Variants in SORCS1 observed in about 807,000 individuals in gnomAD.
SORCS1 encodes the protein VPS10 domain-containing receptor SorCS1.
SORCS1 carries 60 observed loss-of-function variants against 146.1 expected under a neutral mutation model. That is an observed-to-expected ratio of 0.41 (90% CI 0.33 to 0.51). The LOEUF is 0.51. Among genes scored for constraint, SORCS1 ranks in the 20% least tolerant of loss-of-function variants. The pLI is 0.21. For synonymous variants in SORCS1, 637 were observed against 584.0 expected, an observed-to-expected ratio of 1.09 and a Z score of -1.31; for missense variants, 1,352 against 1,487.6, an observed-to-expected ratio of 0.91 and a Z score of 1.50.
chr10:107,105,392 TTGAC>T (rs1424118156), intron 1 of SORCS1, among the ~76,000 whole-genome samples: 1 of 152,196 alleles, frequency 6.6e-6, no homozygotes, highest in African/African-American at 2.4e-5. Flanking sequence ...TTAAGGAGTA[TTGAC>T]TCACACGATC....
chr10:107,120,614 C>T (rs148287951), intron 1 of SORCS1, among the ~76,000 whole-genome samples: 75 of 152,264 alleles, frequency 4.9e-4, no homozygotes, highest in African/African-American at 1.7e-3. Flanking sequence ...TCTCATAATG[C>T]ACAGGATAAC....
chr10:107,100,772 AACAAGGGAATACCC>A (rs1964871124), intron 1 of SORCS1, among the ~76,000 whole-genome samples: 1 of 152,258 alleles, frequency 6.6e-6, no homozygotes, highest in Non-Finnish European at 1.5e-5. Flanking sequence ...CAGGAGAAAG[AACAAGGGAATACCC>A]ACATAAAAGC....
At chr10:107,123,900 ACC>A (rs1273565355) in intron 1 of SORCS1, among the ~76,000 whole-genome samples, 1 of 145,408 alleles carries the variant, frequency 6.9e-6, no homozygotes, top group African/African-American at 2.6e-5. Flanking sequence ...ACACGGTGAA[ACC>A]CCGTCTCTAC....
At chr10:106,613,058 A>G (rs1042952439) in intron 21 of SORCS1, among the ~76,000 whole-genome samples, 5 of 151,710 alleles carry the variant, frequency 3.3e-5, no homozygotes, top group Admixed American at 2.6e-4. Flanking sequence ...CATACTTTTT[A>G]TTATTATTAT....
In SORCS1 at chr10:106,992,530, T is replaced by G. The variant is rs144753829; in HGVS notation, c.559-35950A>C. Among the ~76,000 whole-genome samples the G allele has an allele frequency of 1.9e-3, 285 of 152,240 alleles. 1 individual carries two copies. The highest frequency in any genetic ancestry group is 6.5e-3 in the African/African-American group (270 of 41,544). ...TTTAGGAGATGGAGTCTTGCTCTGTTGCCCAAGGTACTGGAGTGCAGTGGC... is the reference window on the plus strand; with the variant it reads ...TTTAGGAGATGGAGTCTTGCTCTGTGGCCCAAGGTACTGGAGTGCAGTGGC... On this transcript the variant is annotated intron_variant, in intron 1 of 25. Transcript: ENST00000263054.
chr10:106,679,377 A>T, intron 11 of SORCS1, 45 bp from the exon 12 acceptor site: 2 of 1,478,974 alleles, frequency 1.4e-6, no homozygotes, highest in African/African-American at 2.8e-5. Flanking sequence ...TTTCTGCAAA[A>T]GCAACAATGG....
At chr10:107,041,422 A>G (rs2133992249) in intron 1 of SORCS1, among the ~76,000 whole-genome samples, 1 of 152,144 alleles carries the variant, frequency 6.6e-6, no homozygotes, top group South Asian at 2.1e-4. Context: ...AAAAAAAAGA[A>G]AGAAAAGCGA....
intron 2 of SORCS1, among the ~76,000 whole-genome samples, chr10:106,883,527 G>A (rs530307415): frequency 3.3e-5 from 5 of 150,676 alleles, no homozygotes; most frequent in Admixed American, 1.3e-4. Flanking sequence ...CTATTCTCCC[G>A]CCTCAGCCTC....
At chr10:106,930,456 T>G (rs1953359195) in intron 2 of SORCS1, among the ~76,000 whole-genome samples, 1 of 152,216 alleles carries the variant, frequency 6.6e-6, no homozygotes, top group Non-Finnish European at 1.5e-5. Flanking sequence ...TACAAATTAT[T>G]TGCAGAACCC....
chr10:106,594,778 G>C (rs1212190662), intron 24 of SORCS1, among the ~76,000 whole-genome samples: 1 of 152,144 alleles, frequency 6.6e-6, no homozygotes, highest in Non-Finnish European at 1.5e-5. Flanking sequence ...AGACAAGTTG[G>C]CCACATCCCT....
rs1008316157 is a variant in SORCS1, at chr10:106,688,996, A to G, written c.1414-658T>C. On this transcript the variant is annotated intron_variant, in intron 9 of 25. Coordinates refer to ENST00000263054, the MANE Select transcript of SORCS1 (RefSeq NM_052918.5). ...TACTGTTGCTTTATTTCTATGTAAG[A>G]TCTCTCTGTTAAGCCACCAGAATAC... Among the ~76,000 whole-genome samples the G allele has an allele frequency of 3.3e-5, 5 of 152,174 alleles. No homozygotes were observed. The East Asian group carries it at 9.6e-4, about 29-fold the overall frequency.
intron 2 of SORCS1, among the ~76,000 whole-genome samples, chr10:106,839,684 G>A (rs1948937968): frequency 6.6e-6 from 1 of 152,210 alleles, no homozygotes; most frequent in Admixed American, 6.5e-5. Context: ...GAATTTCAAA[G>A]CTAGAGAGAA....
intron 23 of SORCS1, among the ~76,000 whole-genome samples, chr10:106,599,491 T>C (rs930407332): frequency 6.6e-6 from 1 of 152,144 alleles, no homozygotes; most frequent in African/African-American, 2.4e-5. Context: ...TATCTTTTAA[T>C]TGGCAGAGTC....
rs576324837 is a variant in SORCS1, at chr10:106,921,696, A to G, written c.626+34817T>C. On this transcript the variant is annotated intron_variant, in intron 2 of 25. Transcript: ENST00000263054. ...ACATCCACTGCATTGCTACCCCTAT[A>G]GAAACTATAAGGACTCAATAAAAAC... Among the ~76,000 whole-genome samples, 17 of 152,258 alleles carry G rather than the reference A, an allele frequency of 1.1e-4. No homozygotes were observed. In the South Asian group the frequency reaches 3.1e-3, roughly 28 times the overall value.
intron 2 of SORCS1, among the ~76,000 whole-genome samples, chr10:106,830,000 A>T (rs529032663): frequency 6.6e-6 from 1 of 152,358 alleles, no homozygotes; most frequent in South Asian, 2.1e-4. Context: ...TTTTAGTCAG[A>T]TATGACATTT....
chr10:106,954,369 T>C (rs1477322475), intron 2 of SORCS1, among the ~76,000 whole-genome samples: 1 of 152,182 alleles, frequency 6.6e-6, no homozygotes, highest in Non-Finnish European at 1.5e-5. Context: ...GAGATTCTGA[T>C]GAAGGGTTAC....
At chr10:106,806,429 T>TAAAATA (rs1278495622) in intron 3 of SORCS1, among the ~76,000 whole-genome samples, 4 of 140,654 alleles carry the variant, frequency 2.8e-5, no homozygotes, top group African/African-American at 5.4e-5. Flanking sequence ...TAAAATAAAA[T>TAAAATA]AATCATGGAG....
chr10:106,772,982 G>A (rs1327098421), intron 4 of SORCS1, among the ~76,000 whole-genome samples: 1 of 152,166 alleles, frequency 6.6e-6, no homozygotes, highest in Non-Finnish European at 1.5e-5. Context: ...ATGTGGCTAT[G>A]TGTTCAAAAG....
intron 1 of SORCS1, among the ~76,000 whole-genome samples, chr10:107,101,203 C>A (rs946887607): frequency 2.0e-5 from 3 of 152,194 alleles, no homozygotes; most frequent in African/African-American, 7.2e-5. Flanking sequence ...GCCACCACAC[C>A]TGGCTAATAG....
Sources: gnomAD v4.1 joint callset for allele counts (sites outside exome capture counted in the v4.1 genomes callset) on GRCh38, gnomAD v4.1.1 for gene constraint, MANE v1.5 for transcripts, NCBI Gene and HGNC (gene_info 2026-07-23, HGNC 2026-07-21) for gene names.